The following SLA2 variants were observed in gnomAD, a reference collection of about 807,000 sequenced individuals.
SLA2 encodes the protein Src like adaptor 2, also known as src-like-adapter 2.
In SLA2, 22 loss-of-function variants were observed where a neutral mutation model predicts 27.3. That is an observed-to-expected ratio of 0.81 (90% CI 0.58 to 1.15). The LOEUF (loss-of-function observed/expected upper bound fraction) is 1.15. SLA2 is among the 50% of genes most tolerant of loss of function. The probability of loss-of-function intolerance (pLI) is 0.00; values close to 1 mark genes in which losing one functional copy is unlikely to be tolerated. For synonymous variants in SLA2, 131 were observed against 137.8 expected, an observed-to-expected ratio of 0.95 and a Z score of 0.34; for missense variants, 304 against 322.2, an observed-to-expected ratio of 0.94 and a Z score of 0.43.
At chr20:36,636,564 C>T (rs1179608094) in intron 2 of SLA2, among the ~76,000 whole-genome samples, 1 of 141,528 alleles carries the variant, frequency 7.1e-6, no homozygotes, top group African/African-American at 2.6e-5. Flanking sequence ...GAGATCACAT[C>T]ATTGCACTCC....
chr20:36,614,686 T>G (rs1230990144), intron 6 of SLA2: 2 of 985,276 alleles, frequency 2.0e-6, no homozygotes, highest in Non-Finnish European at 2.4e-6. Flanking sequence ...AAGTTTCTGG[T>G]TAGGAAATTG....
intron 1 of SLA2, among the ~76,000 whole-genome samples, chr20:36,645,164 A>G: frequency 6.7e-6 from 1 of 148,506 alleles, no homozygotes; most frequent in Non-Finnish European, 1.5e-5. Flanking sequence ...ACATAGTGAG[A>G]ACCCCCACCC....
chr20:36,621,359 G>T, intron 5 of SLA2: 1 of 610,224 alleles, frequency 1.6e-6, no homozygotes, highest in Non-Finnish European at 3.1e-6. Context: ...AGCTCAGGCA[G>T]TCCCTATGGT....
At chr20:36,624,492 TA>T (rs1479193963) in intron 5 of SLA2, among the ~76,000 whole-genome samples, 4 of 152,212 alleles carry the variant, frequency 2.6e-5, no homozygotes, top group African/African-American at 9.6e-5. Context: ...CCTTGCCAAC[TA>T]GATTGTGGGC....
Position 36,641,388 on chromosome 20 carries a change from A to C in SLA2, c.-43-10T>G, listed in dbSNP as rs75294154. ...CATCATCGAGGGAAATCTGAAAGAG[A>C]CACAGTGATGGGGACAGAGCCGAGG... On this transcript the variant is annotated splice_polypyrimidine_tract_variant and intron_variant, in intron 1 of 7. Transcript: ENST00000262866. 3.5e-4 allele frequency: 526 copies of C among 1,514,570 alleles called. 3 individuals carry two copies. The African/African-American group carries it at 6.4e-3, about 18-fold the overall frequency. The allele number at this position is 1,514,570 out of a possible 1,614,324, so 93.8% of individuals were successfully genotyped here.
intron 1 of SLA2, among the ~76,000 whole-genome samples, chr20:36,642,262 T>C (rs1477350819): frequency 2.1e-5 from 2 of 95,950 alleles, no homozygotes; most frequent in African/African-American, 8.1e-5. Context: ...GTTGAGCCAC[T>C]TCCCCTCTCT....
intron 6 of SLA2, chr20:36,614,803 T>A: frequency 1.0e-6 from 1 of 985,416 alleles, no homozygotes; most frequent in Non-Finnish European, 1.2e-6. Flanking sequence ...ACAAGAGTGC[T>A]CTTCCCTCTC....
At chr20:36,625,413 T>C (rs574233593) in intron 5 of SLA2, among the ~76,000 whole-genome samples, 82 of 152,130 alleles carry the variant, frequency 5.4e-4, no homozygotes, top group Non-Finnish European at 5.9e-4. Flanking sequence ...TTAATAGAGA[T>C]GGGGTTTCAC....
At chr20:36,615,668 G>A (rs2039201820) in intron 5 of SLA2, among the ~76,000 whole-genome samples, 1 of 152,094 alleles carries the variant, frequency 6.6e-6, no homozygotes, top group African/African-American at 2.4e-5. Flanking sequence ...TGGCAGATAT[G>A]TTAGGATGCA....
intron 5 of SLA2, among the ~76,000 whole-genome samples, chr20:36,630,145 G>A (rs1225532437): frequency 6.6e-6 from 1 of 152,192 alleles, no homozygotes; most frequent in African/African-American, 2.4e-5. Flanking sequence ...GGGACAGTCT[G>A]CAGTGGGGCC....
At chr20:36,618,906 CAAAAAAAAAA>C (rs35436767) in intron 5 of SLA2, among the ~76,000 whole-genome samples, 55 of 40,368 alleles carry the variant, frequency 1.4e-3, no homozygotes, top group African/African-American at 2.8e-3. Context: ...AACTCCATCT[CAAAAAAAAAA>C]AAAAAAAAAA....
intron 5 of SLA2, 98 bp from the exon 6 acceptor site, chr20:36,615,472 C>A: frequency 7.1e-7 from 1 of 1,418,064 alleles, no homozygotes; most frequent in East Asian, 2.4e-5. Flanking sequence ...CCATGGGGCC[C>A]CGGCAGAAGG....
intron 5 of SLA2, chr20:36,621,515 C>T: frequency 1.5e-5 from 4 of 273,520 alleles, no homozygotes; most frequent in South Asian, 1.0e-4. Flanking sequence ...GATCTCGGCT[C>T]ACTGCAGGAT....
chr20:36,643,690 G>A (rs1978285448), intron 1 of SLA2, among the ~76,000 whole-genome samples: 1 of 152,196 alleles, frequency 6.6e-6, no homozygotes, highest in Non-Finnish European at 1.5e-5. Flanking sequence ...GGTGGCTCAT[G>A]CCTGTAATCC....
intron 2 of SLA2, among the ~76,000 whole-genome samples, chr20:36,636,876 A>G (rs950031483): frequency 5.3e-5 from 8 of 150,790 alleles, no homozygotes; most frequent in African/African-American, 1.9e-4. Context: ...GCTTGAACCC[A>G]GGAGGTGGAG....
chr20:36,630,990 G>A (rs917906418), intron 5 of SLA2, among the ~76,000 whole-genome samples: 1 of 152,128 alleles, frequency 6.6e-6, no homozygotes, highest in Non-Finnish European at 1.5e-5. Flanking sequence ...AAGAGATCCT[G>A]TCACCATTTT....
chr20:36,622,482 T>C (rs1429200404), intron 5 of SLA2, among the ~76,000 whole-genome samples: 1 of 151,514 alleles, frequency 6.6e-6, no homozygotes, highest in Non-Finnish European at 1.5e-5. Flanking sequence ...TAGAATATGT[T>C]AGTTTCCTAT....
At chr20:36,639,895 G>C (rs180936625) in intron 2 of SLA2, among the ~76,000 whole-genome samples, 1 of 151,828 alleles carries the variant, frequency 6.6e-6, no homozygotes, top group Non-Finnish European at 1.5e-5. Context: ...AGAATTGCTA[G>C]GATATTTTTA....
chr20:36,622,486 T>C (rs1170724052), intron 5 of SLA2, among the ~76,000 whole-genome samples: 2 of 151,950 alleles, frequency 1.3e-5, no homozygotes, highest in African/African-American at 4.8e-5. Context: ...ATATGTTAGT[T>C]TCCTATTGCT....
Sources: allele counts gnomAD v4.1 joint callset (sites outside exome capture counted in the v4.1 genomes callset), GRCh38; gene constraint gnomAD v4.1.1; transcripts MANE v1.5; gene names NCBI Gene and HGNC (gene_info 2026-07-23, HGNC 2026-07-21).